ADAM12: variants seen among roughly 807,000 people sequenced by gnomAD.
ADAM12 encodes the protein ADAM metallopeptidase domain 12.
Under a neutral mutation model 106.4 loss-of-function variants are expected in ADAM12, and 70 were observed. That is an observed-to-expected ratio of 0.66 (90% CI 0.54 to 0.80). ADAM12 has a LOEUF of 0.80. Ranked by LOEUF, ADAM12 falls within the 30% of genes least tolerant of loss-of-function variation. ADAM12 has a pLI of 0.00. For synonymous variants in ADAM12, 420 were observed against 433.5 expected, an observed-to-expected ratio of 0.97 and a Z score of 0.39; for missense variants, 1,010 against 1,171.9, an observed-to-expected ratio of 0.86 and a Z score of 2.02.
At chr10:126,234,561 T>C (rs1405302775) in intron 3 of ADAM12, among the ~76,000 whole-genome samples, 8 of 152,168 alleles carry the variant, frequency 5.3e-5, no homozygotes, top group Non-Finnish European at 1.2e-4. Flanking sequence ...AGTAATGAGT[T>C]GGGTATGGAG....
intron 3 of ADAM12, among the ~76,000 whole-genome samples, chr10:126,195,610 A>G (rs1321191579): frequency 2.6e-5 from 4 of 152,284 alleles, no homozygotes; most frequent in South Asian, 4.1e-4. Flanking sequence ...AAAAACCAAC[A>G]TACGTTAATT....
At chr10:126,292,733 A>G (rs540840602) in intron 2 of ADAM12, among the ~76,000 whole-genome samples, 1 of 152,398 alleles carries the variant, frequency 6.6e-6, no homozygotes, top group Middle Eastern at 3.4e-3. Context: ...GTCATAGATC[A>G]TATAAATGAA....
rs1429251709 is a variant in ADAM12, at chr10:126,388,372, C to T, written c.-227G>A. ...TGTGCGTGCGTGCGCGCGCGCGCGC[C>T]GTTCTGGCACAAGCCAGCCTTGACC... On this transcript the variant is annotated 5_prime_UTR_variant, in exon 1 of 23. Transcript: ENST00000448723. This position sits in a 1 kb window ranked among gnomAD's most constrained non-coding sequence, Gnocchi z 4.4. 2 of 483,140 alleles carry T rather than the reference C, an allele frequency of 4.1e-6. No individual in the cohort carries two copies. Among genetic ancestry groups the T allele is most frequent in the East Asian group, 9.4e-5 (2 of 21,364 alleles). 29.9% of individuals were successfully genotyped at this position (483,140 alleles called of 1,614,324 possible). A position where few individuals can be genotyped will look rare whatever the true frequency, so the allele number is the denominator to read the frequency against.
chr10:126,275,258 C>T (rs984190757), intron 3 of ADAM12, among the ~76,000 whole-genome samples: 2 of 152,050 alleles, frequency 1.3e-5, no homozygotes, highest in African/African-American at 4.8e-5. Flanking sequence ...CACAGAATAC[C>T]TATGTAAGGG....
intron 3 of ADAM12, among the ~76,000 whole-genome samples, chr10:126,242,199 T>A (rs1193505932): frequency 6.6e-6 from 1 of 152,238 alleles, no homozygotes; most frequent in African/African-American, 2.4e-5. Context: ...GATTTTCAGT[T>A]GGCAGCAGAT....
intron 1 of ADAM12, among the ~76,000 whole-genome samples, chr10:126,353,906 T>C (rs1010244902): frequency 2.6e-5 from 4 of 152,126 alleles, no homozygotes; most frequent in African/African-American, 9.7e-5. Flanking sequence ...CTTTTACAAG[T>C]CTACAAGACC....
chr10:126,232,330 T>G (rs1958328467), intron 3 of ADAM12, among the ~76,000 whole-genome samples: 1 of 152,096 alleles, frequency 6.6e-6, no homozygotes, highest in South Asian at 2.1e-4. Context: ...AGGCAGCTTC[T>G]AAAAGCTAAA....
chr10:126,314,820 A>G (rs992476244), intron 2 of ADAM12, among the ~76,000 whole-genome samples: 4 of 152,138 alleles, frequency 2.6e-5, no homozygotes, highest in Non-Finnish European at 4.4e-5. Flanking sequence ...ACTTGCAAAC[A>G]TAAACAGAGG....
At position 126,388,355 on chromosome 10, in the gene ADAM12, C is replaced by T. The variant is rs1300877071; in HGVS notation, c.-210G>A. 1.5e-6 allele frequency: 1 copy of T among 665,904 alleles called. No homozygotes were observed. Among genetic ancestry groups the T allele is most frequent in the Non-Finnish European group, 2.0e-6 (1 of 490,804 alleles). The allele number at this position is 665,904 out of a possible 1,614,324, so 41.2% of individuals were successfully genotyped here. Reference sequence around the variant, plus strand: ...AAGTTTCCCCCCGTGTGTGTGCGTGCGTGCGCGCGCGCGCGCCGTTCTGGC... The same window carrying T: ...AAGTTTCCCCCCGTGTGTGTGCGTGTGTGCGCGCGCGCGCGCCGTTCTGGC... On this transcript the variant is annotated 5_prime_UTR_variant, in exon 1 of 23. Coordinates refer to ENST00000448723, the MANE Select transcript of ADAM12 (RefSeq NM_001288973.2). This position sits in a 1 kb window ranked among gnomAD's most constrained non-coding sequence, Gnocchi z 4.4.
chr10:126,257,352 T>C (rs1420317350), intron 3 of ADAM12, among the ~76,000 whole-genome samples: 1 of 152,228 alleles, frequency 6.6e-6, no homozygotes, highest in Non-Finnish European at 1.5e-5. Context: ...ATCAAAATGT[T>C]CCATTTGTAT....
chr10:126,381,186 A>G (rs1008897424), intron 1 of ADAM12, among the ~76,000 whole-genome samples: 15 of 152,256 alleles, frequency 9.9e-5, no homozygotes, highest in Non-Finnish European at 2.1e-4. Flanking sequence ...ACAAGGAAGG[A>G]GTTAGAAAGT....
Position 126,224,732 on chromosome 10 carries a change from G to A in ADAM12, c.260+54183C>T, listed in dbSNP as rs532738929. Among the ~76,000 whole-genome samples, 5 of 152,350 alleles carry A rather than the reference G, an allele frequency of 3.3e-5. No individual in the cohort carries two copies. The South Asian group carries it at 8.3e-4, about 25-fold the overall frequency. Reference sequence around the variant, plus strand: ...CTCACCTTGGCCCTGGACTGCCAAAGAGCCACTGTCACGATGTCAGGTCAA... The same window carrying A: ...CTCACCTTGGCCCTGGACTGCCAAAAAGCCACTGTCACGATGTCAGGTCAA... On this transcript the variant is annotated intron_variant, in intron 3 of 22. Coordinates refer to ENST00000448723, the MANE Select transcript of ADAM12 (RefSeq NM_001288973.2).
intron 11 of ADAM12, among the ~76,000 whole-genome samples, chr10:126,072,550 T>TG (rs1466060834): frequency 6.6e-6 from 1 of 152,196 alleles, no homozygotes; most frequent in African/African-American, 2.4e-5. Context: ...GCATGGCATC[T>TG]GGTCCTAACT....
At chr10:126,169,493 T>C (rs1957081477) in intron 3 of ADAM12, among the ~76,000 whole-genome samples, 1 of 152,146 alleles carries the variant, frequency 6.6e-6, no homozygotes, top group Non-Finnish European at 1.5e-5. Context: ...ATGGAATAAC[T>C]GAGAATGAGA....
At chr10:126,270,458 C>T (rs866171008) in intron 3 of ADAM12, among the ~76,000 whole-genome samples, 1 of 152,336 alleles carries the variant, frequency 6.6e-6, no homozygotes, top group Middle Eastern at 3.4e-3. Flanking sequence ...TCCGTCTAGC[C>T]ACACGTGGCT....
rs1438562335 is a variant in ADAM12 at position 126,101,177 on chromosome 10, T to A, written c.806A>T (p.Lys269Ile). ...GAATGGGTCCTGACTTACAGAGCAT[T>A]TGTCCATGTCATTCCACACTTCCAC... ...VGVEVWNDMD[K>I]CSVSQDPFTS... Residue 269 changes from lysine to isoleucine, a missense_variant, in exon 9 of 23, where the codon AAA becomes ATA. Physicochemically the swap from Lys to Ile is moderately radical, Grantham distance 102. Transcript: ENST00000448723. 3.1e-6 allele frequency: 5 copies of A among 1,614,028 alleles called. No homozygotes were observed. The Admixed American group carries it at 8.3e-5, about 27-fold the overall frequency.
chr10:126,082,363 G>GTTTTTTTTTTTTTTTTT (rs5788763), intron 11 of ADAM12, among the ~76,000 whole-genome samples: 2 of 80,772 alleles, frequency 2.5e-5, no homozygotes, highest in African/African-American at 1.1e-4. Context: ...TCTAATGACT[G>GTTTTTTTTTTTTTTTTT]TTTTTTTTTT....
chr10:126,019,702 G>A lies in ADAM12; in HGVS notation c.2653C>T (p.Pro885Ser), dbSNP rs150268596. The change falls in exon 22 of 23, where the codon CCC becomes TCC. Residue 885 changes from proline (P) to serine (S), a missense_variant. This residue lies in a region of ADAM12 where 615 missense variants were observed against 708.5 expected (regional missense o/e 0.87). Coordinates refer to ENST00000448723, the MANE Select transcript of ADAM12 (RefSeq NM_001288973.2). ...ATGGCATGTCACACAAACCTGAGGGGTGCCAGGCGGAGCCCAGTCTCCCAT... is the reference window on the plus strand; with the variant it reads ...ATGGCATGTCACACAAACCTGAGGGATGCCAGGCGGAGCCCAGTCTCCCAT... ...GQWETGLRLAPLRPAPQYPHQ... is the reference protein window; with the variant it reads ...GQWETGLRLASLRPAPQYPHQ... 322 of 1,613,808 alleles carry A rather than the reference G, an allele frequency of 2.0e-4. No homozygotes were observed. The African/African-American group carries it at 4.0e-3, about 20-fold the overall frequency.
At chr10:126,093,902 A>G in intron 11 of ADAM12, 83 bp downstream of exon 11, 1 of 1,563,996 alleles carries the variant, frequency 6.4e-7, no homozygotes. Flanking sequence ...CCAGAAAACC[A>G]GAGACACTTT....
Sources: allele counts gnomAD v4.1 joint callset (sites outside exome capture counted in the v4.1 genomes callset), GRCh38; gene constraint gnomAD v4.1.1; regional missense constraint gnomAD v4.1.1; non-coding constraint Gnocchi (gnomAD v3.1); transcripts MANE v1.5; gene names NCBI Gene and HGNC (gene_info 2026-07-23, HGNC 2026-07-21).